PCDHA2: variants seen among roughly 807,000 people sequenced by gnomAD.
The protein encoded by PCDHA2 is protocadherin alpha-2.
Under a neutral mutation model 66.0 loss-of-function variants are expected in PCDHA2, and 58 were observed. The observed-to-expected ratio is 0.88, with a 90% CI of 0.71 to 1.09. The LOEUF (loss-of-function observed/expected upper bound fraction) is 1.09. Ranked by LOEUF, PCDHA2 falls within the 50% of genes least tolerant of loss-of-function variation. The probability of loss-of-function intolerance (pLI) is 0.00; values close to 1 mark genes in which losing one functional copy is unlikely to be tolerated. For missense variants in PCDHA2, 1,267 were observed against 1,242.3 expected, an observed-to-expected ratio of 1.02 and a Z score of -0.30; for synonymous variants, 634 against 554.0, an observed-to-expected ratio of 1.14 and a Z score of -2.03.
chr5:140,877,572 C>T (rs2057210526), intron 1 of PCDHA2: 6 of 1,613,784 alleles, frequency 3.7e-6, no homozygotes, highest in Non-Finnish European at 4.2e-6. Flanking sequence ...ACGTGTACCT[C>T]ATCATCGCCA....
At chr5:140,969,945 A>G (rs2096371634) in intron 1 of PCDHA2, among the ~76,000 whole-genome samples, 1 of 152,214 alleles carries the variant, frequency 6.6e-6, no homozygotes, top group South Asian at 2.1e-4. Flanking sequence ...TACTGAAGCT[A>G]AAGTTTGCTT....
chr5:140,903,434 A>T (rs1372993909), intron 1 of PCDHA2, among the ~76,000 whole-genome samples: 1 of 152,226 alleles, frequency 6.6e-6, no homozygotes, highest in Non-Finnish European at 1.5e-5. Context: ...AATATGTATC[A>T]GTGGAATTCA....
intron 1 of PCDHA2, chr5:140,883,595 G>C: frequency 6.2e-7 from 1 of 1,614,036 alleles, no homozygotes; most frequent in Non-Finnish European, 8.5e-7. Flanking sequence ...CAGCGTGTCG[G>C]TGGGGGTGGC....
chr5:140,895,320 T>C (rs561707282), intron 1 of PCDHA2, among the ~76,000 whole-genome samples: 2 of 152,298 alleles, frequency 1.3e-5, no homozygotes, highest in East Asian at 3.9e-4. Flanking sequence ...CCATGACTAT[T>C]GTTCTCAAAT....
Position 140,857,207 on chromosome 5 carries a change from T to C in PCDHA2, c.2388+59855T>C, listed in dbSNP as rs374547664. The C allele has an allele frequency of 2.5e-6, 4 of 1,598,416 alleles. No homozygotes were observed. In the African/African-American group the frequency reaches 5.4e-5, roughly 22 times the overall value. ...AGGAGCCAACGGACAGGTCACCTGC[T>C]CTCTGACGCCTCACGTTCCGTTCAA... is the stretch of plus-strand genomic sequence containing the variant. On this transcript the variant is annotated intron_variant, in intron 1 of 3. Transcript: ENST00000526136.
intron 1 of PCDHA2, among the ~76,000 whole-genome samples, chr5:140,919,772 A>G (rs1421766938): frequency 6.6e-6 from 1 of 152,102 alleles, no homozygotes; most frequent in Non-Finnish European, 1.5e-5. Context: ...TATTACTGTT[A>G]CACATATTAC....
chr5:140,866,671 G>A (rs2049487363), intron 1 of PCDHA2: 1 of 152,084 alleles, frequency 6.6e-6, no homozygotes, highest in Admixed American at 6.5e-5. Context: ...AGAAATAATA[G>A]CACTAGGTCT....
intron 1 of PCDHA2, chr5:140,968,757 A>G (rs1488596963): frequency 6.2e-7 from 1 of 1,614,204 alleles, no homozygotes; most frequent in Non-Finnish European, 8.5e-7. Flanking sequence ...GTGGTCCGAG[A>G]TAATGGAGAG....
rs920860677 is a variant in PCDHA2, at chr5:140,985,387, C to T, written c.2536+2824C>T. Among the ~76,000 whole-genome samples the T allele has an allele frequency of 3.0e-4, 45 of 152,272 alleles. 1 individual carries two copies. Among genetic ancestry groups the T allele is most frequent in the African/African-American group, 9.9e-4 (41 of 41,542 alleles). On this transcript the variant is annotated intron_variant, in intron 3 of 3. Transcript: ENST00000526136. ...GTTATCTGGGTCTATATAATCCAGTCACCCCAACTGTTCCCCTGGAAATGG... is the reference window on the plus strand; with the variant it reads ...GTTATCTGGGTCTATATAATCCAGTTACCCCAACTGTTCCCCTGGAAATGG...
At position 140,829,513 on chromosome 5, in the gene PCDHA2, C is replaced by T. The variant is rs146722468; in HGVS notation, c.2388+32161C>T. ...AGAACAACCCGCCGGGCTGCCACAT[C>T]TTCACGGTGTCTGCGCGAGACGCGG... On this transcript the variant is annotated intron_variant, in intron 1 of 3. Transcript: ENST00000526136. 3.1e-4 allele frequency: 493 copies of T among 1,613,532 alleles called. 1 individual carries two copies. In the African/African-American group the frequency reaches 5.8e-3, roughly 19 times the overall value.
intron 1 of PCDHA2, chr5:140,809,539 T>A (rs782730163): frequency 6.2e-6 from 10 of 1,613,610 alleles, no homozygotes; most frequent in Non-Finnish European, 8.5e-6. Context: ...ACAGAGAAGA[T>A]CAGCTGCAGA....
chr5:140,828,605 C>T, intron 1 of PCDHA2: 1 of 1,614,210 alleles, frequency 6.2e-7, no homozygotes, highest in Non-Finnish European at 8.5e-7. Context: ...AACCTATAAA[C>T]TCAGTTCTAG....
At chr5:140,864,940 G>T (rs528676037) in intron 1 of PCDHA2, 4 of 152,296 alleles carry the variant, frequency 2.6e-5, no homozygotes, top group African/African-American at 9.6e-5. Flanking sequence ...TCTCAGGCCT[G>T]TAATCCCAGC....
At chr5:140,969,230 G>A (rs1554231609) in intron 1 of PCDHA2, 1 of 1,614,154 alleles carries the variant, frequency 6.2e-7, no homozygotes, top group South Asian at 1.1e-5. Flanking sequence ...GCCTTCGGGA[G>A]CCCAAGCAGC....
At chr5:140,967,884 C>T (rs2096194386) in intron 1 of PCDHA2, 2 of 1,614,050 alleles carry the variant, frequency 1.2e-6, no homozygotes, top group African/African-American at 1.3e-5. Context: ...CTGTATAGCC[C>T]AGTGCCTGAG....
At chr5:140,814,652 A>C (rs1002175357) in intron 1 of PCDHA2, 2 of 152,004 alleles carry the variant, frequency 1.3e-5, no homozygotes, top group African/African-American at 2.4e-5. Context: ...TTACACCAAC[A>C]TCACCACAAA....
chr5:140,877,027 G>T lies in PCDHA2; in HGVS notation c.2388+79675G>T, dbSNP rs376609696. 1.3e-4 allele frequency: 211 copies of T among 1,612,282 alleles called. No individual in the cohort carries two copies. Among genetic ancestry groups the T allele is most frequent in the Admixed American group, 2.7e-4 (16 of 60,002 alleles). On this transcript the variant is annotated intron_variant, in intron 1 of 3. Coordinates refer to ENST00000526136, the MANE Select transcript of PCDHA2 (RefSeq NM_018905.3). ...GCACGCGGAGAGCGGCAAGGTGTAC[G>T]CGCTGCAGCCGCTAGACCACGAGGA...
chr5:140,920,133 C>A (rs1463322279), intron 1 of PCDHA2, among the ~76,000 whole-genome samples: 7 of 152,178 alleles, frequency 4.6e-5, no homozygotes, highest in African/African-American at 1.4e-4. Flanking sequence ...AGTTTTAATT[C>A]TCCTCTCCAA....
rs2150273023 is a variant in PCDHA2, at chr5:140,837,088, T to C, written c.2388+39736T>C. On this transcript the variant is annotated intron_variant, in intron 1 of 3. Transcript: ENST00000526136. Reference sequence around the variant, plus strand: ...TGATAATCAATACCTATAAATGTTATAGTAAACAAATTTAATATATATGTT... The same window carrying C: ...TGATAATCAATACCTATAAATGTTACAGTAAACAAATTTAATATATATGTT... 8 of 165,626 alleles carry C rather than the reference T, an allele frequency of 4.8e-5. 1 individual carries two copies. Among genetic ancestry groups the C allele is most frequent in the Non-Finnish European group, 1.0e-4 (8 of 77,090 alleles). 10.3% of individuals were successfully genotyped at this position (165,626 alleles called of 1,614,324 possible).
Sources: gnomAD v4.1 joint callset for allele counts (sites outside exome capture counted in the v4.1 genomes callset) on GRCh38, gnomAD v4.1.1 for gene constraint, MANE v1.5 for transcripts, NCBI Gene and HGNC (gene_info 2026-07-23, HGNC 2026-07-21) for gene names.